The following FGD3 variants were observed in gnomAD, a reference collection of about 807,000 sequenced individuals.
The protein encoded by FGD3 is FYVE, RhoGEF and PH domain-containing protein 3.
In FGD3, 45 loss-of-function variants were observed where a neutral mutation model predicts 71.8. The observed-to-expected ratio is 0.63, with a 90% CI of 0.49 to 0.80. FGD3 has a LOEUF of 0.80. Ranked by LOEUF, FGD3 falls within the 30% of genes least tolerant of loss-of-function variation. FGD3 has a pLI of 0.00. For missense variants in FGD3, 844 were observed against 951.5 expected, an observed-to-expected ratio of 0.89 and a Z score of 1.49; for synonymous variants, 378 against 392.8, an observed-to-expected ratio of 0.96 and a Z score of 0.44.
intron 3 of FGD3, among the ~76,000 whole-genome samples, chr9:92,994,931 G>C (rs1276256849): frequency 6.6e-6 from 1 of 152,056 alleles, no homozygotes; most frequent in Non-Finnish European, 1.5e-5. Flanking sequence ...TTGTTCTTTT[G>C]GCTTAGGATT....
intron 15 of FGD3, among the ~76,000 whole-genome samples, chr9:93,031,729 GA>G (rs1176852446): frequency 6.6e-6 from 1 of 152,168 alleles, no homozygotes; most frequent in Non-Finnish European, 1.5e-5. Context: ...GTTCAAACTA[GA>G]ATTTCCCAAG....
At chr9:92,998,215 C>A (rs1409472818) in intron 3 of FGD3, among the ~76,000 whole-genome samples, 1 of 152,140 alleles carries the variant, frequency 6.6e-6, no homozygotes, top group African/African-American at 2.4e-5. Flanking sequence ...TCATTTCATT[C>A]ATTTGATCTT....
At chr9:93,028,218 G>GCA (rs547210870) in intron 14 of FGD3, among the ~76,000 whole-genome samples, 2,928 of 141,034 alleles carry the variant, frequency 0.021, 86 homozygotes, top group African/African-American at 0.059. Context: ...ACACACACAC[G>GCA]CACACACACA....
chr9:93,029,433 C>T (rs796337672), intron 14 of FGD3, among the ~76,000 whole-genome samples: 10 of 152,274 alleles, frequency 6.6e-5, no homozygotes, highest in African/African-American at 1.7e-4. Context: ...GGGTGTGGCC[C>T]GCGGTGCCCA....
At chr9:92,960,393 C>T (rs567213937) in intron 1 of FGD3, among the ~76,000 whole-genome samples, 3 of 152,236 alleles carry the variant, frequency 2.0e-5, no homozygotes, top group African/African-American at 7.2e-5. Flanking sequence ...CATAAACCAG[C>T]CCAGAGCAGA....
chr9:93,034,813 C>A, intron 17 of FGD3, 132 bp downstream of exon 17: 1 of 1,076,764 alleles, frequency 9.3e-7, no homozygotes, highest in Non-Finnish European at 1.3e-6. Flanking sequence ...CTCAGTTTCC[C>A]CGGCAGCGCA....
At chr9:93,005,279 C>T (rs756545909) in intron 5 of FGD3, among the ~76,000 whole-genome samples, 6 of 152,112 alleles carry the variant, frequency 3.9e-5, no homozygotes, top group Non-Finnish European at 8.8e-5. Flanking sequence ...CCCGCCACCA[C>T]ACCCGGCTAA....
chr9:93,025,344 C>T (rs934438631), intron 14 of FGD3, among the ~76,000 whole-genome samples: 2 of 152,214 alleles, frequency 1.3e-5, no homozygotes, highest in Non-Finnish European at 2.9e-5. Context: ...CCCAGGGCCT[C>T]CCTACGAACA....
chr9:93,004,079 C>G lies in FGD3; in HGVS notation c.622C>G (p.His208Asp). The G allele has an allele frequency of 6.2e-7, 1 of 1,614,206 alleles. No homozygotes were observed. Among genetic ancestry groups the G allele is most frequent in the Non-Finnish European group, 8.5e-7 (1 of 1,180,048 alleles). Residue 208 changes from histidine (H) to aspartate (D), a missense_variant, in exon 5 of 18, where the codon CAC becomes GAC. Physicochemically the swap from His to Asp is moderately conservative, Grantham distance 81. Transcript: ENST00000375482. ...CATATTCTCTAACATCTCCTCCATC[C>G]ACCGCTTCCACGGGCAGTTCCTGCT... Reference protein sequence around the residue: ...MGIFSNISSIHRFHGQFLLPE... With the variant: ...MGIFSNISSIDRFHGQFLLPE...
intron 14 of FGD3, among the ~76,000 whole-genome samples, chr9:93,025,692 T>G (rs1431140043): frequency 6.6e-6 from 1 of 152,174 alleles, no homozygotes; most frequent in Non-Finnish European, 1.5e-5. Context: ...CTTGCAGAAT[T>G]CAAAGCCTTC....
intron 3 of FGD3, among the ~76,000 whole-genome samples, chr9:92,985,768 G>A (rs115517947): frequency 4.2e-4 from 64 of 152,194 alleles, no homozygotes; most frequent in Non-Finnish European, 7.6e-4. Flanking sequence ...ATGAACCACC[G>A]CACCTGGCCC....
chr9:93,015,567 C>T, intron 9 of FGD3, 170 bp from the exon 10 acceptor site: 1 of 474,436 alleles, frequency 2.1e-6, no homozygotes, highest in Non-Finnish European at 3.8e-6. Flanking sequence ...AGAGTCTCCT[C>T]ACTCAAAGAT....
chr9:92,963,399 G>A (rs530593268), intron 1 of FGD3, among the ~76,000 whole-genome samples: 32 of 152,196 alleles, frequency 2.1e-4, no homozygotes, highest in African/African-American at 7.7e-4. Flanking sequence ...TCTGGGGTTC[G>A]AGCGGTCCTC....
chr9:92,991,229 C>A (rs1226005833), intron 3 of FGD3, among the ~76,000 whole-genome samples: 1 of 152,100 alleles, frequency 6.6e-6, no homozygotes, highest in African/African-American at 2.4e-5. Flanking sequence ...CAGTCACCCA[C>A]CACCACACCC....
chr9:92,953,274 A>G (rs1858988658), intron 1 of FGD3, among the ~76,000 whole-genome samples: 2 of 152,130 alleles, frequency 1.3e-5, no homozygotes, highest in South Asian at 4.1e-4. Flanking sequence ...AAGTATAGAC[A>G]CATCAGGGCT....
At position 92,998,783 on chromosome 9, in the gene FGD3, C is replaced by T. The variant is rs574638513; in HGVS notation, c.454-4142C>T. 2.0e-5 allele frequency among the ~76,000 whole-genome samples: 3 copies of T among 152,300 alleles called. No homozygotes were observed. In the South Asian group the frequency reaches 6.2e-4, roughly 32 times the overall value. ...GGTATCACAAGTGGAGGCTGCAGAA[C>T]AGCAAATATTGCAGAACAGCAAATG... On this transcript the variant is annotated intron_variant, in intron 3 of 17. Coordinates refer to ENST00000375482, the MANE Select transcript of FGD3 (RefSeq NM_001083536.2).
chr9:92,973,211 T>G (rs1859602589), intron 1 of FGD3, among the ~76,000 whole-genome samples: 2 of 146,384 alleles, frequency 1.4e-5, no homozygotes, highest in African/African-American at 5.1e-5. Flanking sequence ...GCCTCCTGAG[T>G]TCAAGCAGTT....
chr9:92,968,850 C>T (rs146094375), intron 1 of FGD3, among the ~76,000 whole-genome samples: 4 of 152,232 alleles, frequency 2.6e-5, no homozygotes, highest in Non-Finnish European at 5.9e-5. Context: ...GGAGGTCTGC[C>T]AAAGTGCCTT....
intron 1 of FGD3, among the ~76,000 whole-genome samples, chr9:92,949,870 G>A (rs1173773259): frequency 1.3e-5 from 2 of 152,170 alleles, no homozygotes; most frequent in Admixed American, 1.3e-4. Flanking sequence ...TGGCCAAGGA[G>A]CCCTGTGCCT....
Sources: gnomAD v4.1 joint callset for allele counts (sites outside exome capture counted in the v4.1 genomes callset) on GRCh38, gnomAD v4.1.1 for gene constraint, MANE v1.5 for transcripts, NCBI Gene and HGNC (gene_info 2026-07-23, HGNC 2026-07-21) for gene names.